Variants in KIF23 observed in about 807,000 individuals in gnomAD.
The protein encoded by KIF23 is kinesin-like protein KIF23.
KIF23 carries 30 observed loss-of-function variants against 137.5 expected under a neutral mutation model. That is an observed-to-expected ratio of 0.22 (90% CI 0.16 to 0.30). The LOEUF (loss-of-function observed/expected upper bound fraction) is 0.30, where lower values mean the gene tolerates loss of function less well. KIF23 is among the 10% of genes least tolerant of loss of function. KIF23 has a pLI of 1.00. For synonymous variants in KIF23, 367 were observed against 391.1 expected (o/e 0.94, Z 0.73); for missense variants, 920 against 1,194.3 (o/e 0.77, Z 3.38).
At chr15:69,419,614 G>A (rs1196616211) in intron 3 of KIF23, among the ~76,000 whole-genome samples, 4 of 152,098 alleles carry the variant, frequency 2.6e-5, no homozygotes, top group African/African-American at 9.7e-5. Context: ...CTCTCCCCTG[G>A]TCTGTACTCT....
Position 69,414,415 on chromosome 15 carries a change from C to A in KIF23, c.-51C>A, listed in dbSNP as rs375486311. ...GCCGGTCCTAACGTCCCGCAGTCTT[C>A]GCCAGCCAGCCGTCCCGCATGCGCG... is the stretch of plus-strand genomic sequence containing the variant. On this transcript the variant is annotated 5_prime_UTR_variant, in exon 1 of 24. Transcript: ENST00000679126. 2 of 1,567,898 alleles carry A rather than the reference C, an allele frequency of 1.3e-6. No individual in the cohort carries two copies. The highest frequency in any genetic ancestry group is 3.8e-5 in the Admixed American group (2 of 53,200).
chr15:69,425,745 A>T (rs2057173095), intron 8 of KIF23: 1 of 174,378 alleles, frequency 5.7e-6, no homozygotes, highest in South Asian at 1.9e-4. Flanking sequence ...TGTGCATGTG[A>T]TGTTGCTGTA....
At chr15:69,428,671 A>C (rs1486133331) in intron 10 of KIF23, among the ~76,000 whole-genome samples, 6 of 151,378 alleles carry the variant, frequency 4.0e-5, no homozygotes, top group Admixed American at 1.3e-4. Context: ...AAAAAAAAAA[A>C]AAAAAAAAAA....
chr15:69,447,876 G>A lies in KIF23; in HGVS notation c.*69G>A, dbSNP rs1249552109. ...TGATTTCTCGAAAGCCATGCCAGAAGCAGTCTTCCAGGTCATCTTGTAGAA... is the reference window on the plus strand; with the variant it reads ...TGATTTCTCGAAAGCCATGCCAGAAACAGTCTTCCAGGTCATCTTGTAGAA... On this transcript the variant is annotated 3_prime_UTR_variant, in exon 24 of 24. Transcript: ENST00000679126. 1 of 1,530,694 alleles carries A rather than the reference G, an allele frequency of 6.5e-7. No individual in the cohort carries two copies. The highest frequency in any genetic ancestry group is 9.0e-7 in the Non-Finnish European group (1 of 1,108,066). 94.8% of individuals were successfully genotyped at this position (1,530,694 alleles called of 1,614,324 possible).
At chr15:69,431,424 T>TA (rs2057352641) in intron 11 of KIF23, among the ~76,000 whole-genome samples, 1 of 152,068 alleles carries the variant, frequency 6.6e-6, no homozygotes, top group Admixed American at 6.6e-5. Context: ...CCATCCTGGC[T>TA]AACAGGGTGA....
intron 1 of KIF23, among the ~76,000 whole-genome samples, chr15:69,415,382 G>A (rs1450023807): frequency 3.3e-5 from 5 of 152,202 alleles, no homozygotes; most frequent in African/African-American, 1.2e-4. Flanking sequence ...TAATTTTAAT[G>A]TGTTAAATGT....
intron 3 of KIF23, among the ~76,000 whole-genome samples, chr15:69,419,654 A>G (rs1009581176): frequency 3.9e-5 from 6 of 152,050 alleles, no homozygotes; most frequent in Admixed American, 6.5e-5. Context: ...CTTAACCACA[A>G]TCTATTTGTT....
intron 16 of KIF23, 111 bp from the exon 17 acceptor site, chr15:69,439,793 T>G (rs932923969): frequency 1.4e-6 from 1 of 731,404 alleles, no homozygotes; most frequent in Admixed American, 3.6e-5. Context: ...GCTTTCTCCA[T>G]GATGTTTCTT....
At position 69,448,203 on chromosome 15, in the gene KIF23, C is replaced by G. The variant is rs757455190; in HGVS notation, c.*396C>G. On this transcript the variant is annotated 3_prime_UTR_variant, in exon 24 of 24. Coordinates refer to ENST00000679126, the MANE Select transcript of KIF23 (RefSeq NM_001367805.3). ...TGATTTTTTATTGTGACTTCTCCAG[C>G]CCTGGTCTGAATTTCTTAAGGTTTT... 9.7e-5 allele frequency: 15 copies of G among 155,072 alleles called. No homozygotes were observed. The Admixed American group carries it at 9.8e-4, about 10-fold the overall frequency. The allele number at this position is 155,072 out of a possible 1,614,324, so 9.6% of individuals were successfully genotyped here.
At chr15:69,435,899 A>G (rs2057465907) in intron 13 of KIF23, 128 bp downstream of exon 13, 14 of 1,330,380 alleles carry the variant, frequency 1.1e-5, no homozygotes, top group Non-Finnish European at 1.4e-5. Context: ...GAAGTAAACT[A>G]GGCTTGGTGT....
intron 11 of KIF23, chr15:69,434,748 A>G: frequency 2.4e-6 from 3 of 1,232,192 alleles, no homozygotes; most frequent in Non-Finnish European, 3.5e-6. Context: ...GAACGCGCTG[A>G]CTGGGCAGGA....
intron 10 of KIF23, chr15:69,427,228 C>G (rs1198470771): frequency 5.8e-6 from 2 of 342,924 alleles, no homozygotes; most frequent in East Asian, 7.4e-5. Context: ...ATTTTATACA[C>G]AAGATTTGAG....
chr15:69,417,818 A>G (rs1326562475), intron 3 of KIF23, among the ~76,000 whole-genome samples: 4 of 152,228 alleles, frequency 2.6e-5, no homozygotes, highest in Admixed American at 6.5e-5. Flanking sequence ...AGTTTTATAT[A>G]TACAACTTGA....
chr15:69,423,761 A>C (rs577938763), intron 7 of KIF23, among the ~76,000 whole-genome samples: 15 of 152,332 alleles, frequency 9.8e-5, no homozygotes, highest in East Asian at 9.6e-4. Flanking sequence ...TAATACTTAC[A>C]TATCTTCTAT....
At position 69,446,103 on chromosome 15, in the gene KIF23, T is replaced by C. The variant is rs770630331; in HGVS notation, c.2756+12T>C. On this transcript the variant is annotated intron_variant, in intron 21 of 23. Coordinates refer to ENST00000679126, the MANE Select transcript of KIF23 (RefSeq NM_001367805.3). The stretch of plus-strand genomic sequence containing the variant: ...GAATCACCAAATGGGTAAGTAACCA[T>C]CAAAAATCTCTGTATAAAAGTTGGT... 1.6e-5 allele frequency: 25 copies of C among 1,604,936 alleles called. No homozygotes were observed. The highest frequency in any genetic ancestry group is 2.1e-5 in the Non-Finnish European group (25 of 1,171,742).
In KIF23 at chr15:69,448,028, T is replaced by A; in HGVS notation, c.*221T>A. 2.7e-6 allele frequency: 1 copy of A among 369,534 alleles called. No homozygotes were observed. The allele number at this position is 369,534 out of a possible 1,614,324, so 22.9% of individuals were successfully genotyped here. ...TGTATAGTATATGTTTTGCCATATT[T>A]AATATTAATAGCAGAGGAAGACTCC... On this transcript the variant is annotated 3_prime_UTR_variant, in exon 24 of 24. Coordinates refer to ENST00000679126, the MANE Select transcript of KIF23 (RefSeq NM_001367805.3).
intron 15 of KIF23, 117 bp downstream of exon 15, chr15:69,436,839 C>T: frequency 1.7e-6 from 1 of 573,576 alleles, no homozygotes; most frequent in Non-Finnish European, 2.7e-6. Context: ...ACTGCAACCT[C>T]CGCCTCCTGG....
At chr15:69,436,780 A>T in intron 15 of KIF23, 58 bp downstream of exon 15, 6 of 1,151,608 alleles carry the variant, frequency 5.2e-6, no homozygotes, top group Non-Finnish European at 7.0e-6. Context: ...TTTGAGACAT[A>T]GTTTCACTCT....
At chr15:69,432,830 C>T (rs2057387591) in intron 11 of KIF23, among the ~76,000 whole-genome samples, 1 of 152,150 alleles carries the variant, frequency 6.6e-6, no homozygotes, top group Non-Finnish European at 1.5e-5. Flanking sequence ...TCTTGATGAG[C>T]AACAAACTGT....
Sources: allele counts gnomAD v4.1 joint callset (sites outside exome capture counted in the v4.1 genomes callset), GRCh38; gene constraint gnomAD v4.1.1; transcripts MANE v1.5; gene names NCBI Gene and HGNC (gene_info 2026-07-23, HGNC 2026-07-21).